The following SDK2 variants were observed in gnomAD, a reference collection of about 807,000 sequenced individuals.
SDK2 encodes the protein sidekick cell adhesion molecule 2.
A neutral mutation model predicts 253.9 loss-of-function variants in SDK2; 105 were observed. The ratio of observed to expected loss-of-function variants is 0.41; its 90% confidence interval spans 0.35 to 0.49. SDK2 has a LOEUF of 0.49. SDK2 is among the 20% of genes least tolerant of loss of function. The pLI, the probability that SDK2 is intolerant of heterozygous loss-of-function variation, is 0.06. For synonymous variants in SDK2, 1,249 were observed against 1,234.9 expected (o/e 1.01, Z -0.24); for missense variants, 2,608 against 3,003.0 (o/e 0.87, Z 3.07).
intron 12 of SDK2, 81 bp from the exon 13 acceptor site, chr17:73,424,173 A>G: frequency 8.2e-7 from 1 of 1,218,176 alleles, no homozygotes; most frequent in South Asian, 1.4e-5. Context: ...TTGTCCCGAG[A>G]AAATAGCTCC....
chr17:73,443,348 C>G lies in SDK2; in HGVS notation c.614-2425G>C, dbSNP rs2063429858. 6.6e-6 allele frequency among the ~76,000 whole-genome samples: 1 copy of G among 152,198 alleles called. No individual in the cohort carries two copies. The highest frequency in any genetic ancestry group is 2.4e-5 in the African/African-American group (1 of 41,446). ...ACAATATAAAAGCCTCATGTAGGTG[C>G]CATAACGAGCGATCGGATTGAAAGC... On this transcript the variant is annotated intron_variant, in intron 5 of 44. Coordinates refer to ENST00000392650, the MANE Select transcript of SDK2 (RefSeq NM_001144952.2). This position sits in a 1 kb window ranked among gnomAD's most constrained non-coding sequence, Gnocchi z 4.6.
chr17:73,423,582 G>A (rs1490035952), intron 13 of SDK2, 60 bp from the exon 14 acceptor site: 17 of 1,455,228 alleles, frequency 1.2e-5, no homozygotes, highest in African/African-American at 4.3e-5. Context: ...TGACGGGGGC[G>A]CTGTGGACAC....
chr17:73,573,555 G>T (rs1268244443), intron 1 of SDK2, among the ~76,000 whole-genome samples: 1 of 152,074 alleles, frequency 6.6e-6, no homozygotes, highest in African/African-American at 2.4e-5. Context: ...ACATCCTGCT[G>T]GCTCTACCCG....
Position 73,379,082 on chromosome 17 carries a change from G to C in SDK2, c.4980+95C>G. 1 of 886,524 alleles carries C rather than the reference G, an allele frequency of 1.1e-6. No homozygotes were observed. Among genetic ancestry groups the C allele is most frequent in the Admixed American group, 2.2e-5 (1 of 45,910 alleles). The allele number at this position is 886,524 out of a possible 1,614,324, so 54.9% of individuals were successfully genotyped here. A position where few individuals can be genotyped will look rare whatever the true frequency, so the allele number is the denominator to read the frequency against. Reference sequence around the variant, plus strand: ...AGCTGGCTGGATGAATGGAGGGCCTGGGGACCTGCCTGCCTCCCACATATC... The same window carrying C: ...AGCTGGCTGGATGAATGGAGGGCCTCGGGACCTGCCTGCCTCCCACATATC... On this transcript the variant is annotated intron_variant, in intron 36 of 44. Transcript: ENST00000392650. This position sits in a 1 kb window ranked among gnomAD's most constrained non-coding sequence, Gnocchi z 4.5.
At chr17:73,479,285 A>G (rs561676402) in intron 2 of SDK2, among the ~76,000 whole-genome samples, 1 of 152,276 alleles carries the variant, frequency 6.6e-6, no homozygotes, top group East Asian at 1.9e-4. Context: ...CCCTCTCCCC[A>G]TGGACTTTTG....
intron 1 of SDK2, among the ~76,000 whole-genome samples, chr17:73,527,145 CA>C (rs757005992): frequency 6.6e-6 from 1 of 152,266 alleles, no homozygotes; most frequent in East Asian, 1.9e-4. Flanking sequence ...GCGGGGCAGT[CA>C]GGGGAGCTCC....
chr17:73,497,352 C>T (rs1232186465), intron 2 of SDK2, among the ~76,000 whole-genome samples: 1 of 152,144 alleles, frequency 6.6e-6, no homozygotes, highest in Non-Finnish European at 1.5e-5. Context: ...GTTTCCAACT[C>T]CCTTATATAT....
chr17:73,516,976 C>T (rs2064034522), intron 1 of SDK2: 1 of 152,154 alleles, frequency 6.6e-6, no homozygotes. Context: ...GGAAGGAGGG[C>T]TGTGTGCCCT....
chr17:73,641,779 G>GC, intron 1 of SDK2, among the ~76,000 whole-genome samples: 1 of 152,102 alleles, frequency 6.6e-6, no homozygotes. Context: ...TAATGTCATG[G>GC]CCTGAGACTG....
At chr17:73,572,530 ATACCCCT>A (rs2045402426) in intron 1 of SDK2, among the ~76,000 whole-genome samples, 1 of 150,720 alleles carries the variant, frequency 6.6e-6, no homozygotes, top group African/African-American at 2.5e-5. Flanking sequence ...CCTTCTTAGC[ATACCCCT>A]ACATTTTCCA....
intron 2 of SDK2, among the ~76,000 whole-genome samples, chr17:73,488,077 G>A (rs1283858873): frequency 2.6e-5 from 4 of 151,992 alleles, no homozygotes; most frequent in African/African-American, 4.8e-5. Context: ...GTGCAGTGGC[G>A]CGATCTCGGC....
intron 1 of SDK2, among the ~76,000 whole-genome samples, chr17:73,598,800 G>A (rs1252689913): frequency 2.0e-5 from 3 of 152,208 alleles, no homozygotes; most frequent in African/African-American, 4.8e-5. Flanking sequence ...CTGAGAAGAC[G>A]TGGTCTGGCC....
chr17:73,497,044 G>A (rs899753761), intron 2 of SDK2, among the ~76,000 whole-genome samples: 14 of 152,092 alleles, frequency 9.2e-5, no homozygotes, highest in Admixed American at 4.6e-4. Context: ...TTACAGGCAC[G>A]AGCCACCACA....
chr17:73,628,493 GC>G, intron 1 of SDK2, among the ~76,000 whole-genome samples: 1 of 152,332 alleles, frequency 6.6e-6, no homozygotes, highest in African/African-American at 2.4e-5. Context: ...CTTTTATGAT[GC>G]CCTGAGTTCT....
chr17:73,394,199 C>T lies in SDK2; in HGVS notation c.3708+10G>A, dbSNP rs73345967. ...GTAGGGACCCCACCTCCTGGGATCCCGGGACTCACCTTATAGCCCAGCACG... is the reference window on the plus strand; with the variant it reads ...GTAGGGACCCCACCTCCTGGGATCCTGGGACTCACCTTATAGCCCAGCACG... On this transcript the variant is annotated intron_variant, in intron 26 of 44. Transcript: ENST00000392650. 0.014 allele frequency: 21,494 copies of T among 1,508,610 alleles called. 2,522 individuals are homozygous for T. The African/African-American group carries it at 0.26, about 18-fold the overall frequency. 93.5% of individuals were successfully genotyped at this position (1,508,610 alleles called of 1,614,324 possible). A position where few individuals can be genotyped will look rare whatever the true frequency, so the allele number is the denominator to read the frequency against.
rs944307634 is a variant in SDK2, at chr17:73,455,726, C to T, written c.479+180G>A. On this transcript the variant is annotated intron_variant, in intron 4 of 44. Transcript: ENST00000392650. This position sits in a 1 kb window ranked among gnomAD's most constrained non-coding sequence, Gnocchi z 5.0. ...GGCATGGGTTTCATGGTCCCAAGTC[C>T]TTGCCTGTGCATCCTAAGAAAGCCC... 6.6e-6 allele frequency among the ~76,000 whole-genome samples: 1 copy of T among 152,228 alleles called. No homozygotes were observed. The highest frequency in any genetic ancestry group is 1.5e-5 in the Non-Finnish European group (1 of 68,026).
At position 73,338,962 on chromosome 17, in the gene SDK2, G is replaced by A. The variant is rs570913517; in HGVS notation, c.6166-22C>T. 2.5e-6 allele frequency: 4 copies of A among 1,605,452 alleles called. No homozygotes were observed. The highest frequency in any genetic ancestry group is 2.2e-5 in the East Asian group (1 of 44,846). On this transcript the variant is annotated intron_variant, in intron 44 of 44. Transcript: ENST00000392650. The surrounding 1 kb of genome is among the most constrained non-coding windows in gnomAD (Gnocchi z 5.0). Reference sequence around the variant, plus strand: ...TTCCCTGGGAGGACAGAGAATCAGGGTGTGTCAGTGGCCCCGTAGGGACAG... The same window carrying A: ...TTCCCTGGGAGGACAGAGAATCAGGATGTGTCAGTGGCCCCGTAGGGACAG...
intron 1 of SDK2, among the ~76,000 whole-genome samples, chr17:73,551,195 C>T (rs886177571): frequency 9.2e-5 from 14 of 152,182 alleles, no homozygotes; most frequent in Non-Finnish European, 4.4e-5. Context: ...CCTTGTCTTC[C>T]CTCCCACACT....
At chr17:73,345,630 G>C (rs892743352) in intron 44 of SDK2, among the ~76,000 whole-genome samples, 1 of 151,998 alleles carries the variant, frequency 6.6e-6, no homozygotes, top group Non-Finnish European at 1.5e-5. Context: ...CTCCTCCCAC[G>C]TACCACACAG....
Sources: gnomAD v4.1 joint callset for allele counts (sites outside exome capture counted in the v4.1 genomes callset) on GRCh38, gnomAD v4.1.1 for gene constraint, Gnocchi (gnomAD v3.1) non-coding constraint, MANE v1.5 for transcripts, NCBI Gene and HGNC (gene_info 2026-07-23, HGNC 2026-07-21) for gene names.